Variants in GPATCH8 observed in about 807,000 individuals in gnomAD.
GPATCH8 encodes G patch domain-containing protein 8.
A neutral mutation model predicts 118.3 loss-of-function variants in GPATCH8; 18 were observed. That is an observed-to-expected ratio of 0.15 (90% CI 0.11 to 0.23). The LOEUF (loss-of-function observed/expected upper bound fraction) is 0.23, where lower values mean the gene tolerates loss of function less well. Among genes scored for constraint, GPATCH8 ranks in the 10% least tolerant of loss-of-function variants. GPATCH8 has a pLI of 1.00. For missense variants in GPATCH8, 1,631 were observed against 1,873.8 expected (o/e 0.87, Z 2.39); for synonymous variants, 659 against 684.7 (o/e 0.96, Z 0.59).
At chr17:44,419,014 A>C (rs1426903586) in intron 6 of GPATCH8, among the ~76,000 whole-genome samples, 1 of 152,190 alleles carries the variant, frequency 6.6e-6, no homozygotes, top group Non-Finnish European at 1.5e-5. Flanking sequence ...AACCTGAGAA[A>C]AACTAGTGAA....
At chr17:44,503,129 G>T (rs539872714) in intron 1 of GPATCH8, among the ~76,000 whole-genome samples, 197 bp downstream of exon 1, 1 of 152,202 alleles carries the variant, frequency 6.6e-6, no homozygotes, top group Non-Finnish European at 1.5e-5. Flanking sequence ...AGTTTCAGGG[G>T]TAAGAGAATG....
chr17:44,477,307 T>G (rs7223781), intron 1 of GPATCH8, among the ~76,000 whole-genome samples: 75,598 of 151,984 alleles, frequency 0.5, 20,493 homozygotes, highest in Middle Eastern at 0.62. Flanking sequence ...AACAATTAGG[T>G]GCTAAAATTG....
Position 44,400,016 on chromosome 17 carries a change from G to A in GPATCH8, c.2061C>T (p.His687=). Residue 687 remains histidine (H), a synonymous_variant, in exon 8 of 8, where the codon CAC becomes CAT. Transcript: ENST00000591680. ...KKKKHKKSSK[H]KRKHKADTEE... is the part of the protein sequence containing the mutation. ...CTGTGTCAGCCTTGTGTTTACGTTT[G>A]TGTTTGCTGGATTTTTTGTGCTTCT... is the stretch of plus-strand genomic sequence containing the variant. 1.2e-6 allele frequency: 2 copies of A among 1,613,984 alleles called. No individual in the cohort carries two copies. The highest frequency in any genetic ancestry group is 1.7e-6 in the Non-Finnish European group (2 of 1,179,950).
At chr17:44,464,675 GGGTA>G (rs1378949791) in intron 2 of GPATCH8, 131 bp from the exon 3 acceptor site, 1 of 730,016 alleles carries the variant, frequency 1.4e-6, no homozygotes, top group Non-Finnish European at 2.5e-6. Flanking sequence ...GCTAATAATA[GGGTA>G]AATGTGCCCA....
At chr17:44,497,542 C>T (rs1433513499) in intron 1 of GPATCH8, among the ~76,000 whole-genome samples, 1 of 151,908 alleles carries the variant, frequency 6.6e-6, no homozygotes, top group Non-Finnish European at 1.5e-5. Context: ...GAGCCATGAT[C>T]GCGTCACTGC....
chr17:44,477,264 T>C (rs1457644010), intron 1 of GPATCH8, among the ~76,000 whole-genome samples: 1 of 152,206 alleles, frequency 6.6e-6, no homozygotes, highest in Non-Finnish European at 1.5e-5. Context: ...GTTTATCTCT[T>C]ACACCTAATA....
At chr17:44,425,066 C>A (rs1383103069) in intron 5 of GPATCH8, among the ~76,000 whole-genome samples, 1 of 152,084 alleles carries the variant, frequency 6.6e-6, no homozygotes, top group Non-Finnish European at 1.5e-5. Flanking sequence ...AAAGGCAGTC[C>A]AATTTGCCTC....
rs769259735 is a variant in GPATCH8, at chr17:44,398,182, C to T, written c.3895G>A (p.Asp1299Asn). ...PSIESTDGAE[D>N]ASLAPLESQP... The stretch of plus-strand genomic sequence containing the variant: ...CTTTCCAGGGGGGCCAGTGAAGCAT[C>T]CTCAGCCCCATCTGTTGACTCAATA... Residue 1299 changes from aspartate (D) to asparagine (N), a missense_variant, in exon 8 of 8, where the codon GAT becomes AAT. Around this residue, in one of 8 missense-constraint regions of GPATCH8, gnomAD observed 922 missense variants for 879.7 expected, o/e 1.05. Transcript: ENST00000591680. The T allele has an allele frequency of 6.2e-7, 1 of 1,613,666 alleles. No individual in the cohort carries two copies. Among genetic ancestry groups the T allele is most frequent in the Admixed American group, 1.7e-5 (1 of 60,002 alleles).
chr17:44,414,101 G>GTGTGTGTATATATATGTATATATA (rs2049565364), intron 6 of GPATCH8, among the ~76,000 whole-genome samples: 1 of 122,774 alleles, frequency 8.1e-6, no homozygotes, highest in Non-Finnish European at 1.7e-5. Flanking sequence ...ATATATATAT[G>GTGTGTGTATATATATGTATATATA]TGTGTATATA....
Position 44,398,589 on chromosome 17 carries a change from T to G in GPATCH8, c.3488A>C (p.Glu1163Ala). The change falls in exon 8 of 8, where the codon GAG (glutamate) becomes GCG (alanine). Residue 1163 changes from glutamate (E) to alanine (A), a missense_variant. Physicochemically the swap from Glu to Ala is moderately radical, Grantham distance 107 (BLOSUM62 -1). Transcript: ENST00000591680. ...ATRKPNKKCE[E>A]SGLERGEEQE... ...CTCTTCCCCCCTTTCCAAGCCAGACTCTTCACACTTCTTATTGGGCTTTCG... is the reference window on the plus strand; with the variant it reads ...CTCTTCCCCCCTTTCCAAGCCAGACGCTTCACACTTCTTATTGGGCTTTCG... The G allele has an allele frequency of 6.4e-7, 1 of 1,553,766 alleles. No individual in the cohort carries two copies. The highest frequency in any genetic ancestry group is 8.7e-7 in the Non-Finnish European group (1 of 1,154,622).
At chr17:44,491,891 T>G (rs1441592874) in intron 1 of GPATCH8, among the ~76,000 whole-genome samples, 2 of 152,128 alleles carry the variant, frequency 1.3e-5, no homozygotes, top group African/African-American at 4.8e-5. Context: ...AATGTATGTA[T>G]GTGCCTTTAA....
In GPATCH8 at chr17:44,444,885, T is replaced by A. The variant is rs146683166; in HGVS notation, c.194-8340A>T. On this transcript the variant is annotated intron_variant, in intron 3 of 7. Transcript: ENST00000591680. The stretch of plus-strand genomic sequence containing the variant: ...ATGGCATTTAGTTAAAAAGCATTTG[T>A]TGACTCAGAGAATGAACATGTTCGT... Among the ~76,000 whole-genome samples, 337 of 152,364 alleles carry A rather than the reference T, an allele frequency of 2.2e-3. 1 individual carries two copies. Among genetic ancestry groups the A allele is most frequent in the African/African-American group, 7.8e-3 (326 of 41,592 alleles).
In GPATCH8 at chr17:44,464,442, C is replaced by T. The variant is rs777879820; in HGVS notation, c.193+30G>A. ...GATCTGCATCAGAAATGGTTTTCTT[C>T]CTTTTTCTCTGGTAAATGTAAACAC... On this transcript the variant is annotated intron_variant, in intron 3 of 7. Transcript: ENST00000591680. 8.6e-6 allele frequency: 11 copies of T among 1,283,600 alleles called. 1 individual carries two copies. In the South Asian group the frequency reaches 1.3e-4, roughly 15 times the overall value. The allele number at this position is 1,283,600 out of a possible 1,614,324, so 79.5% of individuals were successfully genotyped here.
At chr17:44,438,938 C>T (rs974503235) in intron 3 of GPATCH8, among the ~76,000 whole-genome samples, 2 of 152,134 alleles carry the variant, frequency 1.3e-5, no homozygotes, top group African/African-American at 2.4e-5. Context: ...ATGAACAACA[C>T]CCTCTTCAAT....
intron 6 of GPATCH8, among the ~76,000 whole-genome samples, chr17:44,418,639 G>C (rs1408878898): frequency 1.3e-5 from 2 of 152,054 alleles, no homozygotes; most frequent in Admixed American, 1.3e-4. Context: ...TTTTAGTAGA[G>C]AGGGGTTTTC....
Position 44,422,777 on chromosome 17 carries a change from C to T in GPATCH8, c.492+1572G>A, listed in dbSNP as rs571619982. ...ACAAGCGTGAGCCACCGCACCCGGC[C>T]GGCCTAACATTTTTAAATTATAAAT... On this transcript the variant is annotated intron_variant, in intron 6 of 7. Transcript: ENST00000591680. Among the ~76,000 whole-genome samples the T allele has an allele frequency of 9.9e-5, 15 of 151,798 alleles. No homozygotes were observed. In the South Asian group the frequency reaches 1.7e-3, roughly 17 times the overall value.
In GPATCH8 at chr17:44,396,879, T is replaced by C; in HGVS notation, c.*689A>G. The C allele has an allele frequency of 4.4e-6, 2 of 454,356 alleles. No individual in the cohort carries two copies. The highest frequency in any genetic ancestry group is 8.8e-6 in the Non-Finnish European group (2 of 226,784). 28.1% of individuals were successfully genotyped at this position (454,356 alleles called of 1,614,324 possible). ...TCCTCTCTGGGCCATACAGCTTTTA[T>C]TCATGATAGGATCTTCTTTTCTGGG... On this transcript the variant is annotated 3_prime_UTR_variant, in exon 8 of 8. Coordinates refer to ENST00000591680, the MANE Select transcript of GPATCH8 (RefSeq NM_001002909.4).
chr17:44,493,042 G>A lies in GPATCH8; in HGVS notation c.45+10284C>T, dbSNP rs536999393. Among the ~76,000 whole-genome samples the A allele has an allele frequency of 2.7e-4, 36 of 132,902 alleles. No individual in the cohort carries two copies. The East Asian group carries it at 7.7e-3, about 28-fold the overall frequency. The allele number at this position is 132,902 out of a possible 152,430, so 87.2% of individuals were successfully genotyped here. A position where few individuals can be genotyped will look rare whatever the true frequency, so the allele number is the denominator to read the frequency against. On this transcript the variant is annotated intron_variant, in intron 1 of 7. Transcript: ENST00000591680. ...TTTATAACCAATTAAACCAATGGTG[G>A]TAAGCCATTAGGTTTTTTTTTTTTT...
chr17:44,429,295 C>A (rs1387561470), intron 5 of GPATCH8, among the ~76,000 whole-genome samples: 1 of 152,086 alleles, frequency 6.6e-6, no homozygotes, highest in Non-Finnish European at 1.5e-5. Context: ...TTCCATGAAT[C>A]TGAAGCTGCA....
Sources: gnomAD v4.1 joint callset for allele counts (sites outside exome capture counted in the v4.1 genomes callset) on GRCh38, gnomAD v4.1.1 for gene constraint, gnomAD v4.1.1 regional missense constraint, MANE v1.5 for transcripts, NCBI Gene and HGNC (gene_info 2026-07-23, HGNC 2026-07-21) for gene names.